CDH12: variants seen among roughly 807,000 people sequenced by gnomAD.
CDH12 encodes the protein cadherin-12.
A neutral mutation model predicts 74.1 loss-of-function variants in CDH12; 41 were observed. That is an observed-to-expected ratio of 0.55 (90% confidence interval 0.43 to 0.72). The LOEUF is 0.72. Ranked by LOEUF, CDH12 falls within the 30% of genes least tolerant of loss-of-function variation. CDH12 has a pLI of 0.00. For missense variants in CDH12, 945 were observed against 977.2 expected (o/e 0.97, Z 0.44); for synonymous variants, 399 against 355.0 (o/e 1.12, Z -1.39).
At chr5:22,087,648 GA>G (rs903431309) in intron 4 of CDH12, among the ~76,000 whole-genome samples, 287 of 150,856 alleles carry the variant, frequency 1.9e-3, no homozygotes, top group African/African-American at 6.8e-3. Context: ...CTCAAAAAAA[GA>G]AAAAAAAGAA....
chr5:22,102,051 T>C (rs1744168085), intron 4 of CDH12, among the ~76,000 whole-genome samples: 1 of 152,192 alleles, frequency 6.6e-6, no homozygotes, highest in African/African-American at 2.4e-5. Context: ...AATCTGAAGA[T>C]TCTTTTAACA....
chr5:22,465,379 T>C (rs910398405), intron 2 of CDH12, among the ~76,000 whole-genome samples: 16 of 152,262 alleles, frequency 1.1e-4, no homozygotes, highest in African/African-American at 3.9e-4. Context: ...ACAGCATGGC[T>C]CATGCCTGTA....
At chr5:22,113,655 A>G (rs1744936783) in intron 4 of CDH12, among the ~76,000 whole-genome samples, 1 of 152,086 alleles carries the variant, frequency 6.6e-6, no homozygotes, top group South Asian at 2.1e-4. Context: ...TAGTCTCAGG[A>G]CTTCCTGAGG....
intron 8 of CDH12, among the ~76,000 whole-genome samples, chr5:21,828,726 C>T (rs1391289093): frequency 6.6e-6 from 1 of 151,834 alleles, no homozygotes; most frequent in Non-Finnish European, 1.5e-5. Flanking sequence ...TGTGTCATCC[C>T]TGTTTTGTTG....
chr5:21,766,585 T>C (rs1018390032), intron 11 of CDH12, among the ~76,000 whole-genome samples: 2 of 151,952 alleles, frequency 1.3e-5, no homozygotes, highest in South Asian at 4.1e-4. Flanking sequence ...AGGTGTTTGA[T>C]AAATTTTGGT....
intron 8 of CDH12, among the ~76,000 whole-genome samples, chr5:21,836,873 A>G (rs966820672): frequency 2.6e-5 from 4 of 152,090 alleles, no homozygotes; most frequent in African/African-American, 4.8e-5. Flanking sequence ...TTGTCTTTAT[A>G]TAACTTCAGT....
At chr5:21,882,202 T>C (rs1752388263) in intron 6 of CDH12, among the ~76,000 whole-genome samples, 1 of 152,198 alleles carries the variant, frequency 6.6e-6, no homozygotes, top group South Asian at 2.1e-4. Context: ...ATCATGATGA[T>C]TCTTCCATTA....
chr5:21,833,170 TATAA>T (rs1477877075), intron 8 of CDH12, among the ~76,000 whole-genome samples: 2 of 39,236 alleles, frequency 5.1e-5, no homozygotes, highest in East Asian at 1.1e-3. Context: ...TATATTATAT[TATAA>T]ATATATATTA....
intron 1 of CDH12, among the ~76,000 whole-genome samples, chr5:22,697,717 A>G (rs1205777322): frequency 6.6e-6 from 1 of 152,204 alleles, no homozygotes; most frequent in African/African-American, 2.4e-5. Flanking sequence ...CTTAAAATGT[A>G]TATGTTGAAG....
chr5:21,780,150 T>G (rs768645017), intron 11 of CDH12, among the ~76,000 whole-genome samples: 2 of 152,208 alleles, frequency 1.3e-5, no homozygotes, highest in Non-Finnish European at 2.9e-5. Flanking sequence ...GCAACATAAC[T>G]TATTAGCCTC....
chr5:22,371,575 A>G (rs2126344874), intron 3 of CDH12, among the ~76,000 whole-genome samples: 1 of 151,904 alleles, frequency 6.6e-6, no homozygotes, highest in Admixed American at 6.6e-5. Flanking sequence ...TTAACCAACC[A>G]CTCTTATATA....
intron 3 of CDH12, among the ~76,000 whole-genome samples, chr5:22,274,703 T>C (rs981080928): frequency 6.6e-6 from 1 of 152,156 alleles, no homozygotes; most frequent in Admixed American, 6.6e-5. Flanking sequence ...TATGATGAAC[T>C]ATAAACCCAG....
Position 22,690,091 on chromosome 5 carries a change from AT to A in CDH12, c.-523+162966del, listed in dbSNP as rs373129714. Among the ~76,000 whole-genome samples the A allele has an allele frequency of 4.6e-5, 7 of 152,130 alleles. No individual in the cohort carries two copies. The East Asian group carries it at 1.4e-3, about 29-fold the overall frequency. ...GAAATAAAAATTGCATGTGACTTGA[AT>A]TTTTTTCCTTGTTTCAGTAAGAAGG... On this transcript the variant is annotated intron_variant, in intron 1 of 14. Transcript: ENST00000382254.
At chr5:22,448,381 C>T (rs1744912355) in intron 2 of CDH12, among the ~76,000 whole-genome samples, 1 of 151,650 alleles carries the variant, frequency 6.6e-6, no homozygotes. Context: ...CCTTTTCCTC[C>T]CAATAAAGCC....
At chr5:22,480,020 A>T (rs1432744969) in intron 2 of CDH12, among the ~76,000 whole-genome samples, 1 of 152,106 alleles carries the variant, frequency 6.6e-6, no homozygotes, top group African/African-American at 2.4e-5. Flanking sequence ...TAGGTAACCC[A>T]TTGTTTCTAT....
At chr5:22,747,476 C>T (rs1421753202) in intron 1 of CDH12, among the ~76,000 whole-genome samples, 1 of 142,428 alleles carries the variant, frequency 7.0e-6, no homozygotes, top group Admixed American at 7.0e-5. Context: ...AAAAAAAAAA[C>T]TACAAAAATT....
chr5:22,823,710 G>T (rs1162111617), intron 1 of CDH12, among the ~76,000 whole-genome samples: 1 of 151,998 alleles, frequency 6.6e-6, no homozygotes, highest in Admixed American at 6.6e-5. Flanking sequence ...CCCCCATGCT[G>T]TTCTCATGAT....
At chr5:22,024,877 C>T (rs191114763) in intron 5 of CDH12, among the ~76,000 whole-genome samples, 85 of 152,194 alleles carry the variant, frequency 5.6e-4, no homozygotes, top group Admixed American at 1.6e-3. Flanking sequence ...CCATATATAT[C>T]AATTTAGATT....
At chr5:22,734,166 C>A (rs550781642) in intron 1 of CDH12, among the ~76,000 whole-genome samples, 2 of 152,066 alleles carry the variant, frequency 1.3e-5, no homozygotes, top group South Asian at 4.1e-4. Flanking sequence ...GCACAATAGA[C>A]ATGTGCTAAC....
Sources: allele counts gnomAD v4.1 joint callset (sites outside exome capture counted in the v4.1 genomes callset), GRCh38; gene constraint gnomAD v4.1.1; transcripts MANE v1.5; gene names NCBI Gene and HGNC (gene_info 2026-07-23, HGNC 2026-07-21).